TGM5: variants seen among roughly 807,000 people sequenced by gnomAD.
TGM5 encodes the protein transglutaminase 5.
A neutral mutation model predicts 77.2 loss-of-function variants in TGM5; 69 were observed. The ratio of observed to expected loss-of-function variants is 0.89; its 90% CI spans 0.74 to 1.09. The LOEUF (loss-of-function observed/expected upper bound fraction) is 1.09, where lower values mean the gene tolerates loss of function less well. Among genes scored for constraint, TGM5 ranks in the 50% least tolerant of loss-of-function variants. The pLI is 0.00. For missense variants in TGM5, 842 were observed against 896.5 expected (o/e 0.94, Z 0.78); for synonymous variants, 346 against 351.8 (o/e 0.98, Z 0.18).
At chr15:43,251,556 C>T (rs916771973) in intron 6 of TGM5, among the ~76,000 whole-genome samples, 1 of 152,148 alleles carries the variant, frequency 6.6e-6, no homozygotes, top group African/African-American at 2.4e-5. Flanking sequence ...ATCCTGTGAG[C>T]GAAAACCTTG....
At chr15:43,244,912 T>TA (rs1295547120) in intron 6 of TGM5, among the ~76,000 whole-genome samples, 4 of 151,662 alleles carry the variant, frequency 2.6e-5, no homozygotes, top group Admixed American at 2.0e-4. Flanking sequence ...TACAAAAAAA[T>TA]AAAAAAATTG....
intron 1 of TGM5, among the ~76,000 whole-genome samples, chr15:43,265,517 T>A (rs2034471566): frequency 6.6e-6 from 1 of 152,186 alleles, no homozygotes; most frequent in South Asian, 2.1e-4. Flanking sequence ...TCCTGGGCCA[T>A]GTTAATCTCT....
chr15:43,258,105 G>A (rs2042755724), intron 3 of TGM5, among the ~76,000 whole-genome samples: 1 of 152,106 alleles, frequency 6.6e-6, no homozygotes, highest in Admixed American at 6.5e-5. Flanking sequence ...GGGAGGGATA[G>A]CATTAGGAGA....
At chr15:43,243,287 A>T (rs1022100621) in intron 6 of TGM5, among the ~76,000 whole-genome samples, 1 of 152,170 alleles carries the variant, frequency 6.6e-6, no homozygotes, top group Non-Finnish European at 1.5e-5. Context: ...GGATGGATGG[A>T]TGAGTGGTGT....
chr15:43,239,170 C>T lies in TGM5; in HGVS notation c.1098G>A (p.Met366Ile), dbSNP rs747988221. 6.2e-6 allele frequency: 10 copies of T among 1,614,000 alleles called. No individual in the cohort carries two copies. In the Admixed American group the frequency reaches 8.3e-5, roughly 13 times the overall value. Reference protein sequence around the residue: ...WQVLDATPQEMSNGVYCCGPA... With the variant: ...WQVLDATPQEISNGVYCCGPA... ...TCTTCTGGAGAGCCTCACCGTTGCTCATCTCCTGAGGTGTGGCGTCCAGCA... is the reference window on the plus strand; with the variant it reads ...TCTTCTGGAGAGCCTCACCGTTGCTTATCTCCTGAGGTGTGGCGTCCAGCA... Residue 366 changes from methionine (M) to isoleucine (I), a missense_variant, in exon 8 of 13, where the codon ATG (methionine) becomes ATA (isoleucine). Transcript: ENST00000220420.
intron 9 of TGM5, among the ~76,000 whole-genome samples, chr15:43,237,432 A>G (rs7183814): frequency 0.19 from 28,922 of 152,198 alleles, 4,158 homozygotes; most frequent in African/African-American, 0.4. Context: ...GTGATAAATC[A>G]GCAGTATTGT....
At chr15:43,251,870 G>A (rs2042705843) in intron 6 of TGM5, among the ~76,000 whole-genome samples, 1 of 152,108 alleles carries the variant, frequency 6.6e-6, no homozygotes, top group African/African-American at 2.4e-5. Context: ...CTCTACTAAT[G>A]TAGTATCCAT....
chr15:43,233,738 C>G, intron 11 of TGM5, 51 bp from the exon 12 acceptor site: 23 of 1,606,028 alleles, frequency 1.4e-5, no homozygotes, highest in Non-Finnish European at 2.0e-5. Context: ...CCCAACTCAC[C>G]AGATATTTAC....
chr15:43,236,468 G>A (rs959066540), intron 9 of TGM5, among the ~76,000 whole-genome samples: 46 of 152,206 alleles, frequency 3.0e-4, no homozygotes, highest in African/African-American at 1.1e-3. Context: ...CCTGTGGGCC[G>A]CATGTGCAGG....
At chr15:43,255,751 T>TC (rs1187928498) in intron 4 of TGM5, among the ~76,000 whole-genome samples, 9 of 152,188 alleles carry the variant, frequency 5.9e-5, no homozygotes, top group Non-Finnish European at 1.2e-4. Flanking sequence ...TCAAGAGCCC[T>TC]CTTCCTTGCC....
At chr15:43,261,562 A>T (rs1281718355) in intron 1 of TGM5, among the ~76,000 whole-genome samples, 1 of 152,202 alleles carries the variant, frequency 6.6e-6, no homozygotes, top group Non-Finnish European at 1.5e-5. Context: ...TGTCTCTGCC[A>T]GAAGGGTCTG....
chr15:43,261,788 C>T (rs1274185943), intron 1 of TGM5, among the ~76,000 whole-genome samples: 1 of 152,184 alleles, frequency 6.6e-6, no homozygotes, highest in African/African-American at 2.4e-5. Context: ...CATACCGAGT[C>T]ACCATAATGG....
intron 3 of TGM5, among the ~76,000 whole-genome samples, chr15:43,258,250 CA>C (rs1167915202): frequency 0.032 from 4,240 of 131,660 alleles, 182 homozygotes; most frequent in African/African-American, 0.11. Flanking sequence ...GAAACCATTA[CA>C]AAAAAAAAAA....
intron 6 of TGM5, among the ~76,000 whole-genome samples, chr15:43,249,406 ACAT>A: frequency 6.6e-6 from 1 of 152,254 alleles, no homozygotes; most frequent in Non-Finnish European, 1.5e-5. Flanking sequence ...AAACCTCATT[ACAT>A]TAGCAGTCAC....
At chr15:43,248,172 CT>C (rs2054666098) in intron 6 of TGM5, among the ~76,000 whole-genome samples, 1 of 151,954 alleles carries the variant, frequency 6.6e-6, no homozygotes, top group South Asian at 2.1e-4. Flanking sequence ...CTAGAAACAA[CT>C]TTTTTATTTA....
chr15:43,256,917 T>C (rs2042746177), intron 3 of TGM5, among the ~76,000 whole-genome samples: 1 of 152,104 alleles, frequency 6.6e-6, no homozygotes, highest in Non-Finnish European at 1.5e-5. Flanking sequence ...AATTTCTTGG[T>C]TTACAAAGCA....
chr15:43,233,394 C>T (rs375797827), intron 12 of TGM5, 50 bp from the exon 13 acceptor site: 5 of 1,611,430 alleles, frequency 3.1e-6, no homozygotes, highest in Non-Finnish European at 4.2e-6. Context: ...TGATAATGAC[C>T]CTGGAGCCCT....
intron 6 of TGM5, among the ~76,000 whole-genome samples, chr15:43,249,978 G>T (rs928922726): frequency 1.3e-5 from 2 of 152,194 alleles, no homozygotes; most frequent in Admixed American, 1.3e-4. Flanking sequence ...TCTGTGAAAT[G>T]GCTATAATGA....
intron 1 of TGM5, among the ~76,000 whole-genome samples, chr15:43,261,090 T>TGTTTTTTTTTTG (rs1566837515): frequency 1.0e-5 from 1 of 97,118 alleles, no homozygotes; most frequent in African/African-American, 5.1e-5. Flanking sequence ...TTTTTTTTTT[T>TGTTTTTTTTTTG]TTTTTTTTTT....
Sources: gnomAD v4.1 joint callset for allele counts (sites outside exome capture counted in the v4.1 genomes callset) on GRCh38, gnomAD v4.1.1 for gene constraint, MANE v1.5 for transcripts, NCBI Gene and HGNC (gene_info 2026-07-23, HGNC 2026-07-21) for gene names.